CNKSR2: variants seen among roughly 807,000 people sequenced by gnomAD.
CNKSR2 encodes the protein CNK homolog protein 2.
Under a neutral mutation model 84.4 loss-of-function variants are expected in CNKSR2, and 14 were observed. The observed-to-expected ratio is 0.17, with a 90% confidence interval of 0.11 to 0.26. The LOEUF is 0.26. Ranked by LOEUF, CNKSR2 falls within the 10% of genes least tolerant of loss-of-function variation. CNKSR2 has a pLI of 1.00. For missense variants in CNKSR2, 485 were observed against 771.2 expected, an observed-to-expected ratio of 0.63 and a Z score of 4.40; for synonymous variants, 275 against 277.9, an observed-to-expected ratio of 0.99 and a Z score of 0.10.
rs190465633 is a variant in CNKSR2 at position 21,452,115 on chromosome X, G to C, written c.519+11334G>C. Among the ~76,000 whole-genome samples the C allele has an allele frequency of 3.3e-3, 369 of 111,562 alleles. 2 individuals carry two copies. Among genetic ancestry groups the C allele is most frequent in the Non-Finnish European group, 5.3e-3 (279 of 53,052 alleles). On this transcript the variant is annotated intron_variant, in intron 4 of 21. Coordinates refer to ENST00000379510, the MANE Select transcript of CNKSR2 (RefSeq NM_014927.5). ...GAATTTATTTATTTTCCCCAAGATG[G>C]AGTCTCACTCTGTCACCCAGGCTGG...
chrX:21,570,768 G>A (rs916572452), intron 13 of CNKSR2, among the ~76,000 whole-genome samples: 17 of 112,152 alleles, frequency 1.5e-4, no homozygotes, highest in Non-Finnish European at 2.3e-4. Context: ...AAAAGAGATC[G>A]GAGAACAGCC....
At chrX:21,411,775 C>G (rs1047936684) in intron 1 of CNKSR2, among the ~76,000 whole-genome samples, 2 of 110,985 alleles carry the variant, frequency 1.8e-5, no homozygotes, top group Non-Finnish European at 3.8e-5. Context: ...GGTACCTTTA[C>G]TTTCCTTCAA....
At chrX:21,379,709 C>T (rs866376528) in intron 1 of CNKSR2, among the ~76,000 whole-genome samples, 5 of 111,390 alleles carry the variant, frequency 4.5e-5, no homozygotes, top group Middle Eastern at 4.6e-3. Context: ...TAATTATTCT[C>T]TGCTTTGGGG....
At chrX:21,387,036 GGTAATACT>G (rs1171618901) in intron 1 of CNKSR2, among the ~76,000 whole-genome samples, 1 of 111,911 alleles carries the variant, frequency 8.9e-6, no homozygotes, top group Non-Finnish European at 1.9e-5. Flanking sequence ...GTTTAAATAT[GGTAATACT>G]GTGAATCTCC....
rs755974424 is a variant in CNKSR2 at position 21,484,347 on chromosome X, T to C, written c.562-6112T>C. On this transcript the variant is annotated intron_variant, in intron 5 of 21. Coordinates refer to ENST00000379510, the MANE Select transcript of CNKSR2 (RefSeq NM_014927.5). ...AAACAAAAACCCATACTTTATTCTT[T>C]AGACATTTTAATTGAAATATTATTT... Among the ~76,000 whole-genome samples the C allele has an allele frequency of 5.3e-5, 6 of 112,224 alleles. No homozygotes were observed. In the South Asian group the frequency reaches 2.2e-3, roughly 41 times the overall value.
Position 21,409,616 on chromosome X carries a change from T to G in CNKSR2, c.65-16881T>G, listed in dbSNP as rs184852302. Among the ~76,000 whole-genome samples the G allele has an allele frequency of 2.8e-3, 311 of 110,775 alleles. 1 individual carries two copies. The highest frequency in any genetic ancestry group is 9.3e-3 in the Middle Eastern group (2 of 214). ...ATTAGAATACATATTTTCAGAGTTC[T>G]TTGAGAAATATTTGATAAGGAACAT... On this transcript the variant is annotated intron_variant, in intron 1 of 21. Coordinates refer to ENST00000379510, the MANE Select transcript of CNKSR2 (RefSeq NM_014927.5).
At chrX:21,624,482 A>T (rs765332369) in intron 20 of CNKSR2, among the ~76,000 whole-genome samples, 54 of 112,264 alleles carry the variant, frequency 4.8e-4, no homozygotes, top group African/African-American at 1.7e-3. Context: ...TATAAAAAGA[A>T]ATAGGCTACC....
intron 2 of CNKSR2, chrX:21,429,549 T>A (rs2147061382): frequency 9.0e-6 from 1 of 111,340 alleles, no homozygotes; most frequent in South Asian, 3.8e-4. Context: ...TCCACTTACA[T>A]GAAAGAAATA....
intron 18 of CNKSR2, among the ~76,000 whole-genome samples, chrX:21,605,707 A>G (rs1443462404): frequency 1.8e-5 from 2 of 112,070 alleles, no homozygotes; most frequent in African/African-American, 6.5e-5. Context: ...AATATTAATC[A>G]GCACTGCAGG....
chrX:21,392,552 A>G (rs1346805874), intron 1 of CNKSR2, among the ~76,000 whole-genome samples: 2 of 110,968 alleles, frequency 1.8e-5, no homozygotes, highest in Non-Finnish European at 3.8e-5. Flanking sequence ...GTGAGTATTC[A>G]CTCACTATCA....
At chrX:21,442,059 A>C (rs2090791307) in intron 4 of CNKSR2, among the ~76,000 whole-genome samples, 1 of 111,162 alleles carries the variant, frequency 9.0e-6, no homozygotes, top group African/African-American at 3.3e-5. Flanking sequence ...AAATAATACT[A>C]AAATTAGAGG....
At chrX:21,494,373 C>T (rs769122857) in intron 6 of CNKSR2, 4 of 112,387 alleles carry the variant, frequency 3.6e-5, no homozygotes, top group African/African-American at 1.3e-4. Context: ...AAGATGTTGA[C>T]AGCTGTTGTG....
chrX:21,501,823 A>G (rs2091563436), intron 8 of CNKSR2, among the ~76,000 whole-genome samples: 1 of 110,502 alleles, frequency 9.0e-6, no homozygotes, highest in Admixed American at 9.7e-5. Flanking sequence ...TCTGTATGGA[A>G]AAGTACTAGA....
intron 5 of CNKSR2, among the ~76,000 whole-genome samples, chrX:21,481,872 G>C (rs2091323501): frequency 9.0e-6 from 1 of 111,681 alleles, no homozygotes; most frequent in South Asian, 3.8e-4. Context: ...ACAGCCACAA[G>C]GAAGTGGATT....
intron 13 of CNKSR2, among the ~76,000 whole-genome samples, chrX:21,579,100 G>A (rs2092338386): frequency 8.9e-6 from 1 of 112,199 alleles, no homozygotes; most frequent in African/African-American, 3.2e-5. Context: ...GTAAAACAAT[G>A]TGTATCAGCT....
chrX:21,649,201 A>G (rs1167297518), intron 21 of CNKSR2, among the ~76,000 whole-genome samples, 174 bp downstream of exon 21: 1 of 111,715 alleles, frequency 9.0e-6, no homozygotes, highest in Non-Finnish European at 1.9e-5. Flanking sequence ...GGTAAAGAGG[A>G]GATCATCTTA....
intron 4 of CNKSR2, among the ~76,000 whole-genome samples, chrX:21,448,469 T>A (rs1357516078): frequency 8.9e-6 from 1 of 111,785 alleles, no homozygotes; most frequent in East Asian, 2.8e-4. Flanking sequence ...GCAATAATAA[T>A]CATTAGTAAT....
At position 21,652,398 on chromosome X, in the gene CNKSR2, C is replaced by T. The variant is rs751191099; in HGVS notation, c.2982C>T (p.Leu994=). ...KEFQQWKQMY[L]DLFLDICQNT... ...TCCAACAATGGAAGCAGATGTACCT[C>T]GACCTTTTCTTGGATATCTGTCAAA... Residue 994 remains leucine, a synonymous_variant, in exon 22 of 22, where the codon CTC becomes CTT. Coordinates refer to ENST00000379510, the MANE Select transcript of CNKSR2 (RefSeq NM_014927.5). 4.1e-5 allele frequency: 50 copies of T among 1,206,788 alleles called. No individual in the cohort carries two copies. The highest frequency in any genetic ancestry group is 5.5e-5 in the Non-Finnish European group (49 of 892,054).
chrX:21,541,478 A>G (rs1370307912), intron 11 of CNKSR2, among the ~76,000 whole-genome samples: 1 of 111,892 alleles, frequency 8.9e-6, no homozygotes, highest in African/African-American at 3.2e-5. Flanking sequence ...CTCATTTAAC[A>G]TCATCTACAG....
Sources: gnomAD v4.1 joint callset for allele counts (sites outside exome capture counted in the v4.1 genomes callset) on GRCh38, gnomAD v4.1.1 for gene constraint, MANE v1.5 for transcripts, NCBI Gene and HGNC (gene_info 2026-07-23, HGNC 2026-07-21) for gene names.